VPS8: variants seen among roughly 807,000 people sequenced by gnomAD.
The protein encoded by VPS8 is vacuolar protein sorting-associated protein 8 homolog.
In VPS8, 129 loss-of-function variants were observed where a neutral mutation model predicts 216.4. The observed-to-expected ratio is 0.60, with a 90% confidence interval of 0.52 to 0.69. The LOEUF is 0.69. Among genes scored for constraint, VPS8 ranks in the 30% least tolerant of loss-of-function variants. The pLI is 0.00. For synonymous variants in VPS8, 571 were observed against 565.4 expected, an observed-to-expected ratio of 1.01 and a Z score of -0.14; for missense variants, 1,531 against 1,683.5, an observed-to-expected ratio of 0.91 and a Z score of 1.59.
At chr3:184,873,101 A>G (rs1343509074) in intron 21 of VPS8, among the ~76,000 whole-genome samples, 1 of 152,146 alleles carries the variant, frequency 6.6e-6, no homozygotes, top group Non-Finnish European at 1.5e-5. Flanking sequence ...GCCAGATACT[A>G]TGTAAAGTAT....
At chr3:184,930,243 A>G (rs1740444969) in intron 33 of VPS8, among the ~76,000 whole-genome samples, 1 of 152,242 alleles carries the variant, frequency 6.6e-6, no homozygotes, top group South Asian at 2.1e-4. Flanking sequence ...CTGAAGATTA[A>G]TAAATTCAAA....
rs1553916150 is a variant in VPS8 at position 185,050,123 on chromosome 3, A to AATTT, written c.4137+1564_4137+1565insATTT. ...AAAATATCTGTTTTCCTGGGAAATA[A>AATTT]TTTTTTTTTTTTTTTTTTGCAATTG... On this transcript the variant is annotated intron_variant, in intron 47 of 47. Transcript: ENST00000625842. Among the ~76,000 whole-genome samples the AATTT allele has an allele frequency of 4.3e-3, 596 of 139,378 alleles. 9 individuals are homozygous for AATTT. The highest frequency in any genetic ancestry group is 0.014 in the African/African-American group (556 of 38,398). The allele number at this position is 139,378 out of a possible 152,430, so 91.4% of individuals were successfully genotyped here. A position where few individuals can be genotyped will look rare whatever the true frequency, so the allele number is the denominator to read the frequency against.
intron 28 of VPS8, among the ~76,000 whole-genome samples, chr3:184,915,777 C>T (rs1737447007): frequency 6.6e-6 from 1 of 151,900 alleles, no homozygotes; most frequent in South Asian, 2.1e-4. Flanking sequence ...CCTTTGCACT[C>T]CAGCGTGGGC....
intron 28 of VPS8, among the ~76,000 whole-genome samples, chr3:184,917,531 G>A (rs1737818558): frequency 6.6e-6 from 1 of 152,110 alleles, no homozygotes. Context: ...CTGGGTTCAA[G>A]TGATTTTCCT....
At chr3:184,976,060 A>G (rs771418700) in intron 40 of VPS8, among the ~76,000 whole-genome samples, 1 of 152,058 alleles carries the variant, frequency 6.6e-6, no homozygotes, top group Non-Finnish European at 1.5e-5. Flanking sequence ...TGTATACCCA[A>G]TGTTTAGCTC....
At chr3:185,018,638 C>T (rs1369382078) in intron 45 of VPS8, among the ~76,000 whole-genome samples, 1 of 152,224 alleles carries the variant, frequency 6.6e-6, no homozygotes, top group Non-Finnish European at 1.5e-5. Flanking sequence ...CTGGAAACAG[C>T]AACCTTCTTT....
intron 1 of VPS8, among the ~76,000 whole-genome samples, chr3:184,815,016 G>A (rs886231603): frequency 2.6e-5 from 4 of 151,698 alleles, no homozygotes; most frequent in Non-Finnish European, 5.9e-5. Context: ...CTTTAAAAAC[G>A]AAGACGCAAA....
intron 40 of VPS8, among the ~76,000 whole-genome samples, chr3:184,981,710 A>G (rs916261245): frequency 5.3e-5 from 8 of 152,126 alleles, no homozygotes; most frequent in Non-Finnish European, 8.8e-5. Flanking sequence ...TGCTGGGATT[A>G]CAGGCGTGAG....
chr3:185,032,903 G>T (rs536592816), intron 46 of VPS8, among the ~76,000 whole-genome samples: 2 of 152,260 alleles, frequency 1.3e-5, no homozygotes, highest in African/African-American at 4.8e-5. Flanking sequence ...TCCTGACCTC[G>T]TGATCCGCCT....
At chr3:184,940,291 A>ATAT in intron 36 of VPS8, 48 bp downstream of exon 36, 1 of 441,702 alleles carries the variant, frequency 2.3e-6, no homozygotes, top group Non-Finnish European at 3.1e-6. Flanking sequence ...TATATATATG[A>ATAT]GAAATAAAAG....
At chr3:184,935,763 T>C (rs1251297384) in intron 34 of VPS8, among the ~76,000 whole-genome samples, 1 of 152,234 alleles carries the variant, frequency 6.6e-6, no homozygotes, top group Admixed American at 6.5e-5. Context: ...TACTCTCATA[T>C]AAAATTTAAG....
At chr3:184,980,213 G>A (rs75301085) in intron 40 of VPS8, among the ~76,000 whole-genome samples, 4,967 of 151,684 alleles carry the variant, frequency 0.033, 143 homozygotes, top group East Asian at 0.11. Context: ...TCTTTCTAGC[G>A]GCCTTTAGTT....
intron 46 of VPS8, among the ~76,000 whole-genome samples, chr3:185,026,376 A>C (rs1475251081): frequency 2.0e-5 from 3 of 151,924 alleles, no homozygotes; most frequent in Admixed American, 6.6e-5. Flanking sequence ...TCCTAGAGTA[A>C]ATTCCCCACA....
At chr3:185,000,693 C>T (rs1476422743) in intron 45 of VPS8, among the ~76,000 whole-genome samples, 1 of 150,842 alleles carries the variant, frequency 6.6e-6, no homozygotes, top group Non-Finnish European at 1.5e-5. Context: ...ACTGCAAGCT[C>T]CGTCTCCTGG....
At chr3:184,835,004 A>G (rs1210329472) in intron 5 of VPS8, 1 of 308,962 alleles carries the variant, frequency 3.2e-6, no homozygotes, top group Non-Finnish European at 5.9e-6. Flanking sequence ...AGCCTAAAAT[A>G]AATACTATTT....
At chr3:185,000,380 C>T (rs892936834) in intron 45 of VPS8, among the ~76,000 whole-genome samples, 11 of 151,932 alleles carry the variant, frequency 7.2e-5, no homozygotes, top group African/African-American at 1.9e-4. Flanking sequence ...TGAACTCTAC[C>T]GCTTGATAGT....
intron 37 of VPS8, among the ~76,000 whole-genome samples, chr3:184,961,997 A>G (rs1746615404): frequency 6.6e-6 from 1 of 152,246 alleles, no homozygotes; most frequent in Non-Finnish European, 1.5e-5. Context: ...GCTGACCTCA[A>G]GAGATCCGCC....
chr3:184,886,232 T>C (rs376938710), intron 22 of VPS8, 76 bp downstream of exon 22: 1 of 1,335,002 alleles, frequency 7.5e-7, no homozygotes, highest in Non-Finnish European at 1.1e-6. Context: ...TTGCTAAGAA[T>C]TCTATGAATT....
chr3:184,860,760 C>G (rs931430995), intron 15 of VPS8, among the ~76,000 whole-genome samples: 5 of 150,812 alleles, frequency 3.3e-5, no homozygotes, highest in Non-Finnish European at 7.4e-5. Context: ...CTCTTTTTTT[C>G]TTGCGGCTAA....
Sources: allele counts gnomAD v4.1 joint callset (sites outside exome capture counted in the v4.1 genomes callset), GRCh38; gene constraint gnomAD v4.1.1; transcripts MANE v1.5; gene names NCBI Gene and HGNC (gene_info 2026-07-23, HGNC 2026-07-21).